The following DOCK2 variants were observed in gnomAD, a reference collection of about 807,000 sequenced individuals.
The protein encoded by DOCK2 is dedicator of cytokinesis 2, also known as dedicator of cytokinesis protein 2.
Under a neutral mutation model 248.9 loss-of-function variants are expected in DOCK2, and 87 were observed. The observed-to-expected ratio is 0.35, with a 90% CI of 0.29 to 0.42. DOCK2 has a LOEUF of 0.42. DOCK2 is among the 10% of genes least tolerant of loss of function. DOCK2 has a pLI of 1.00. For missense variants in DOCK2, 1,747 were observed against 2,300.2 expected, an observed-to-expected ratio of 0.76 and a Z score of 4.92; for synonymous variants, 805 against 821.6, an observed-to-expected ratio of 0.98 and a Z score of 0.35.
At chr5:169,904,676 T>G (rs1774169918) in intron 27 of DOCK2, among the ~76,000 whole-genome samples, 1 of 152,164 alleles carries the variant, frequency 6.6e-6, no homozygotes, top group South Asian at 2.1e-4. Flanking sequence ...TTCCCATCAT[T>G]TAAACAGACA....
In DOCK2 at chr5:169,985,815, T is replaced by C. The variant is rs540956302; in HGVS notation, c.2899-13T>C. 3 of 1,602,934 alleles carry C rather than the reference T, an allele frequency of 1.9e-6. No homozygotes were observed. The highest frequency in any genetic ancestry group is 1.1e-5 in the South Asian group (1 of 89,072). Reference sequence around the variant, plus strand: ...AAACAGGATGACATGTGTGCTGTGCTTCATTGTTTCAGGACTTCTTGATGG... The same window carrying C: ...AAACAGGATGACATGTGTGCTGTGCCTCATTGTTTCAGGACTTCTTGATGG... On this transcript the variant is annotated splice_polypyrimidine_tract_variant and intron_variant, in intron 28 of 51. Transcript: ENST00000520908.
rs1262064231 is a variant in DOCK2 at position 169,700,462 on chromosome 5, A to G, written c.1258+323A>G. ...TAATAATTTATTGTGGCCATCATTT[A>G]TATTTTATACATGCAGAACAGTTGC... On this transcript the variant is annotated intron_variant, in intron 13 of 51. Transcript: ENST00000520908. 5.3e-5 allele frequency among the ~76,000 whole-genome samples: 8 copies of G among 152,134 alleles called. 1 individual carries two copies. The South Asian group carries it at 1.5e-3, about 28-fold the overall frequency.
chr5:169,700,844 A>C (rs542347446), intron 13 of DOCK2, among the ~76,000 whole-genome samples: 2 of 151,928 alleles, frequency 1.3e-5, no homozygotes, highest in Non-Finnish European at 1.5e-5. Context: ...ATCTTGCAAG[A>C]AATTCGGAGA....
rs79582919 is a variant in DOCK2 at position 169,763,873 on chromosome 5, G to A, written c.2554+2248G>A. Among the ~76,000 whole-genome samples the A allele has an allele frequency of 3.3e-5, 5 of 152,336 alleles. No homozygotes were observed. The highest frequency in any genetic ancestry group is 2.1e-4 in the South Asian group (1 of 4,828). On this transcript the variant is annotated intron_variant, in intron 25 of 51. Transcript: ENST00000520908. The surrounding 1 kb of genome is among the most constrained non-coding windows in gnomAD (Gnocchi z 4.1). Reference sequence around the variant, plus strand: ...CACGCTCGGCTCACATGTGAAAGTCGTATGACCTTATTCACAGCTGAAAGG... The same window carrying A: ...CACGCTCGGCTCACATGTGAAAGTCATATGACCTTATTCACAGCTGAAAGG...
intron 27 of DOCK2, among the ~76,000 whole-genome samples, chr5:169,962,403 G>C (rs1445531560): frequency 6.6e-6 from 1 of 152,176 alleles, no homozygotes; most frequent in Non-Finnish European, 1.5e-5. Context: ...ACCGGAAAGT[G>C]GGGGAGGATG....
chr5:169,763,854 C>T lies in DOCK2; in HGVS notation c.2554+2229C>T, dbSNP rs1474940151. Among the ~76,000 whole-genome samples, 2 of 152,226 alleles carry T rather than the reference C, an allele frequency of 1.3e-5. No individual in the cohort carries two copies. The highest frequency in any genetic ancestry group is 2.9e-5 in the Non-Finnish European group (2 of 68,046). ...AAAGTGTAATTAGTGTAGCCACGCT[C>T]GGCTCACATGTGAAAGTCGTATGAC... On this transcript the variant is annotated intron_variant, in intron 25 of 51. Transcript: ENST00000520908. The surrounding 1 kb of genome is among the most constrained non-coding windows in gnomAD (Gnocchi z 4.1).
At chr5:169,759,270 G>T (rs924090386) in intron 23 of DOCK2, among the ~76,000 whole-genome samples, 1 of 152,162 alleles carries the variant, frequency 6.6e-6, no homozygotes, top group Admixed American at 6.5e-5. Flanking sequence ...ACCATTTATT[G>T]AGCACTAAAA....
At chr5:170,041,230 A>G in intron 37 of DOCK2, 85 bp downstream of exon 37, 1 of 1,288,176 alleles carries the variant, frequency 7.8e-7, no homozygotes, top group Non-Finnish European at 1.1e-6. Context: ...AAGAAAAAAA[A>G]GAAAAAGAAT....
chr5:169,740,300 T>A (rs993466317), intron 22 of DOCK2, among the ~76,000 whole-genome samples: 3 of 152,096 alleles, frequency 2.0e-5, no homozygotes, highest in Admixed American at 6.5e-5. Context: ...CTTTTTTTTT[T>A]ATTTAGAACT....
chr5:169,952,252 TA>T (rs1323779761), intron 27 of DOCK2, among the ~76,000 whole-genome samples: 1 of 152,212 alleles, frequency 6.6e-6, no homozygotes, highest in Non-Finnish European at 1.5e-5. Context: ...ACCTGTTTTT[TA>T]TTCTATCAAC....
intron 27 of DOCK2, among the ~76,000 whole-genome samples, chr5:169,859,748 A>G (rs1055343469): frequency 1.4e-4 from 22 of 152,244 alleles, no homozygotes; most frequent in African/African-American, 4.8e-4. Context: ...CCCTTGGACA[A>G]ATCATTTAGC....
intron 25 of DOCK2, among the ~76,000 whole-genome samples, chr5:169,798,238 AT>A (rs1176245309): frequency 6.6e-6 from 1 of 152,194 alleles, no homozygotes; most frequent in Non-Finnish European, 1.5e-5. Context: ...GTTTTGTAGA[AT>A]CCTAGAATTT....
At chr5:169,643,603 G>A (rs1757273954) in intron 1 of DOCK2, among the ~76,000 whole-genome samples, 1 of 152,180 alleles carries the variant, frequency 6.6e-6, no homozygotes, top group Non-Finnish European at 1.5e-5. Flanking sequence ...GGCTAATGCT[G>A]GATTGCCTGC....
In DOCK2 at chr5:170,045,681, T is replaced by G. The variant is rs1044893721; in HGVS notation, c.3877-135T>G. 4.9e-6 allele frequency: 4 copies of G among 821,982 alleles called. No individual in the cohort carries two copies. The East Asian group carries it at 7.4e-5, about 15-fold the overall frequency. 50.9% of individuals were successfully genotyped at this position (821,982 alleles called of 1,614,324 possible). ...CTAGGAAGCCCCCGGCCCCTCTGTA[T>G]GGGGGTGGATCTGGGTCAGAGCAAG... On this transcript the variant is annotated intron_variant, in intron 38 of 51. Coordinates refer to ENST00000520908, the MANE Select transcript of DOCK2 (RefSeq NM_004946.3).
chr5:169,902,821 C>T (rs1774004789), intron 27 of DOCK2, among the ~76,000 whole-genome samples: 1 of 152,024 alleles, frequency 6.6e-6, no homozygotes, highest in Admixed American at 6.5e-5. Flanking sequence ...GGGGTGAGGC[C>T]AGGCGTGGTG....
chr5:169,673,512 A>G (rs567547947), intron 5 of DOCK2, among the ~76,000 whole-genome samples: 42 of 152,272 alleles, frequency 2.8e-4, no homozygotes, highest in South Asian at 8.3e-4. Context: ...AAAACAAGAT[A>G]ACATTATTTT....
intron 44 of DOCK2, among the ~76,000 whole-genome samples, chr5:170,062,250 T>A (rs949481731): frequency 6.6e-6 from 1 of 152,030 alleles, no homozygotes; most frequent in Admixed American, 6.6e-5. Context: ...GAGGCTATAA[T>A]TTCACAGAAA....
chr5:169,857,657 A>G (rs915026572), intron 27 of DOCK2, among the ~76,000 whole-genome samples: 1 of 152,160 alleles, frequency 6.6e-6, no homozygotes, highest in Non-Finnish European at 1.5e-5. Context: ...GAGAAGATGG[A>G]AAAATTGCTC....
chr5:169,865,700 G>A (rs1036937951), intron 27 of DOCK2, among the ~76,000 whole-genome samples: 1 of 152,228 alleles, frequency 6.6e-6, no homozygotes, highest in African/African-American at 2.4e-5. Flanking sequence ...TGTGGGAAGT[G>A]GAGGAAACGT....
Sources: allele counts gnomAD v4.1 joint callset (sites outside exome capture counted in the v4.1 genomes callset), GRCh38; gene constraint gnomAD v4.1.1; non-coding constraint Gnocchi (gnomAD v3.1); transcripts MANE v1.5; gene names NCBI Gene and HGNC (gene_info 2026-07-23, HGNC 2026-07-21).